AGBL1: variants seen among roughly 807,000 people sequenced by gnomAD.
AGBL1 encodes AGBL carboxypeptidase 1.
In AGBL1, 130 loss-of-function variants were observed where a neutral mutation model predicts 118.9. That is an observed-to-expected ratio of 1.09 (90% CI 0.95 to 1.26). AGBL1 has a LOEUF of 1.26. Ranked by LOEUF, AGBL1 falls within the 50% of genes most tolerant of loss-of-function variation. AGBL1 has a pLI of 0.00. For missense variants in AGBL1, 1,584 were observed against 1,298.1 expected (o/e 1.22, Z -3.38); for synonymous variants, 555 against 478.9 (o/e 1.16, Z -2.08).
intron 17 of AGBL1, among the ~76,000 whole-genome samples, chr15:86,355,372 A>G (rs1476481919): frequency 6.6e-6 from 1 of 152,236 alleles, no homozygotes; most frequent in Non-Finnish European, 1.5e-5. Context: ...TTTATGGTCA[A>G]TTGCTTCTGG....
At chr15:86,334,385 T>A (rs1044663362) in intron 17 of AGBL1, among the ~76,000 whole-genome samples, 2 of 152,064 alleles carry the variant, frequency 1.3e-5, no homozygotes, top group South Asian at 4.1e-4. Flanking sequence ...ACATTCAAAC[T>A]GAGAACCCAA....
intron 5 of AGBL1, among the ~76,000 whole-genome samples, chr15:86,171,341 A>C (rs578072613): frequency 8.0e-5 from 12 of 149,544 alleles, no homozygotes; most frequent in African/African-American, 2.2e-4. Flanking sequence ...TAAAATTAAA[A>C]TATATGACAA....
At chr15:86,279,515 T>C (rs1188348254) in intron 15 of AGBL1, 124 bp from the exon 16 acceptor site, 1 of 894,158 alleles carries the variant, frequency 1.1e-6, no homozygotes, top group Non-Finnish European at 1.7e-6. Context: ...ATGTTTCAAG[T>C]GAAGGCCATT....
At chr15:86,262,213 G>A (rs2079002511) in intron 9 of AGBL1, among the ~76,000 whole-genome samples, 1 of 150,820 alleles carries the variant, frequency 6.6e-6, no homozygotes, top group African/African-American at 2.4e-5. Flanking sequence ...ATTTCAAGAG[G>A]AGTTATAACT....
rs529876210 is a variant in AGBL1 at position 86,964,807 on chromosome 15, G to A, written c.3222-23180G>A. 3.3e-5 allele frequency among the ~76,000 whole-genome samples: 5 copies of A among 152,002 alleles called. No individual in the cohort carries two copies. In the East Asian group the frequency reaches 9.7e-4, roughly 30 times the overall value. On this transcript the variant is annotated intron_variant, in intron 23 of 24. Transcript: ENST00000441037. ...ACCCCCCAACCCCTGACAGGCCCCG[G>A]TGTGTAACATTGCCCTCCCTGTGTC...
intron 2 of AGBL1, 92 bp from the exon 3 acceptor site, chr15:86,143,607 T>C: frequency 6.9e-7 from 1 of 1,459,820 alleles, no homozygotes; most frequent in Non-Finnish European, 9.3e-7. Context: ...GAACTAATTC[T>C]TGCTCTGTCT....
At chr15:86,314,197 G>T (rs538331666) in intron 17 of AGBL1, among the ~76,000 whole-genome samples, 1 of 152,320 alleles carries the variant, frequency 6.6e-6, no homozygotes, top group South Asian at 2.1e-4. Context: ...GGGATGGGTA[G>T]GAGCTATTCA....
At chr15:86,095,545 T>G (rs1485402177) in intron 1 of AGBL1, among the ~76,000 whole-genome samples, 3 of 151,678 alleles carry the variant, frequency 2.0e-5, no homozygotes, top group Non-Finnish European at 4.4e-5. Context: ...AAGATACTCC[T>G]ATCATTCAGG....
intron 17 of AGBL1, among the ~76,000 whole-genome samples, chr15:86,370,185 G>C (rs1268312616): frequency 6.6e-6 from 1 of 151,728 alleles, no homozygotes; most frequent in Non-Finnish European, 1.5e-5. Context: ...TCAGTAATTA[G>C]AAAAAATTTT....
intron 17 of AGBL1, among the ~76,000 whole-genome samples, chr15:86,371,429 C>T (rs1395023241): frequency 6.6e-6 from 1 of 152,140 alleles, no homozygotes; most frequent in Non-Finnish European, 1.5e-5. Context: ...CAAGTCTTGG[C>T]TCACAGCCTG....
At chr15:86,771,634 CA>C (rs1374975126) in intron 22 of AGBL1, among the ~76,000 whole-genome samples, 4 of 152,074 alleles carry the variant, frequency 2.6e-5, no homozygotes, top group Admixed American at 2.6e-4. Context: ...CCACTGGTAA[CA>C]TGTTCGGTAA....
chr15:86,495,263 A>T (rs2082834301), intron 18 of AGBL1, among the ~76,000 whole-genome samples: 1 of 151,870 alleles, frequency 6.6e-6, no homozygotes, highest in African/African-American at 2.4e-5. Flanking sequence ...CTTTAATTAA[A>T]AGCAAACAAA....
chr15:86,416,597 T>C (rs1295473678), intron 18 of AGBL1, among the ~76,000 whole-genome samples: 1 of 152,190 alleles, frequency 6.6e-6, no homozygotes, highest in African/African-American at 2.4e-5. Flanking sequence ...ATTCAATATC[T>C]AGCTATTAAT....
intron 21 of AGBL1, among the ~76,000 whole-genome samples, chr15:86,563,305 A>G (rs1053078465): frequency 6.6e-6 from 1 of 152,036 alleles, no homozygotes; most frequent in African/African-American, 2.4e-5. Flanking sequence ...CCCTCTACAC[A>G]CTGCTTTAAA....
intron 1 of AGBL1, among the ~76,000 whole-genome samples, chr15:86,133,109 G>A (rs1469918599): frequency 6.6e-6 from 1 of 152,162 alleles, no homozygotes; most frequent in African/African-American, 2.4e-5. Flanking sequence ...GAAATTGGGT[G>A]TTACAGAGGT....
At chr15:86,176,787 A>G (rs2077488103) in intron 5 of AGBL1, among the ~76,000 whole-genome samples, 1 of 151,966 alleles carries the variant, frequency 6.6e-6, no homozygotes, top group Non-Finnish European at 1.5e-5. Flanking sequence ...CATGGTATGA[A>G]CTCTAGGCAG....
chr15:86,291,696 A>G (rs533967268), intron 16 of AGBL1, among the ~76,000 whole-genome samples: 90 of 152,288 alleles, frequency 5.9e-4, no homozygotes, highest in Non-Finnish European at 9.6e-4. Context: ...ATCTCAGCCT[A>G]GGAATACTAT....
intron 1 of AGBL1, among the ~76,000 whole-genome samples, chr15:86,102,188 G>A (rs919112939): frequency 1.3e-5 from 2 of 151,860 alleles, no homozygotes; most frequent in Non-Finnish European, 2.9e-5. Flanking sequence ...CTACAGAAAC[G>A]CACCAGCATG....
chr15:86,923,006 T>C (rs2080495606), intron 23 of AGBL1, among the ~76,000 whole-genome samples: 1 of 152,074 alleles, frequency 6.6e-6, no homozygotes. Flanking sequence ...AGACAAAAAT[T>C]GCACAATGAT....
Sources: gnomAD v4.1 joint callset for allele counts (sites outside exome capture counted in the v4.1 genomes callset) on GRCh38, gnomAD v4.1.1 for gene constraint, MANE v1.5 for transcripts, NCBI Gene and HGNC (gene_info 2026-07-23, HGNC 2026-07-21) for gene names.